The following OR6N1 variants were observed in gnomAD, a reference collection of about 807,000 sequenced individuals.
OR6N1 encodes the protein olfactory receptor family 6 subfamily N member 1.
For synonymous variants in OR6N1, 170 were observed against 150.7 expected, an observed-to-expected ratio of 1.13 and a Z score of -0.94; for missense variants, 394 against 371.7, an observed-to-expected ratio of 1.06 and a Z score of -0.49.
At chr1:158,767,829 T>C (rs1657317093) in intron 1 of OR6N1, among the ~76,000 whole-genome samples, 1 of 152,200 alleles carries the variant, frequency 6.6e-6, no homozygotes, top group African/African-American at 2.4e-5. Flanking sequence ...TTAATGCCTC[T>C]CTTTAAGTTT....
the OR6N1 span, among the ~76,000 whole-genome samples, chr1:158,835,031 T>C: frequency 6.6e-6 from 1 of 152,316 alleles, no homozygotes; most frequent in South Asian, 2.1e-4. Context: ...TTATAACAAG[T>C]TTTGAAAGCA....
At chr1:158,780,914 C>T in the OR6N1 span, among the ~76,000 whole-genome samples, 4 of 152,296 alleles carry the variant, frequency 2.6e-5, no homozygotes, top group East Asian at 5.8e-4. Context: ...CAAATGTTTG[C>T]TAATCTCTTG....
At chr1:158,814,009 G>C in the OR6N1 span, among the ~76,000 whole-genome samples, 1 of 151,982 alleles carries the variant, frequency 6.6e-6, no homozygotes, top group African/African-American at 2.4e-5. Context: ...CAGATGTACT[G>C]TCTATTGAAA....
At chr1:158,783,396 T>C in the OR6N1 span, among the ~76,000 whole-genome samples, 1 of 152,234 alleles carries the variant, frequency 6.6e-6, no homozygotes, top group Non-Finnish European at 1.5e-5. Context: ...AGATATTTCA[T>C]ATGAAAATAG....
At chr1:158,803,625 T>C in the OR6N1 span, among the ~76,000 whole-genome samples, 1 of 152,378 alleles carries the variant, frequency 6.6e-6, no homozygotes, top group Admixed American at 6.5e-5. Flanking sequence ...ACAGACTTTC[T>C]GCATCATTTG....
At chr1:158,821,871 C>A in the OR6N1 span, among the ~76,000 whole-genome samples, 2 of 152,138 alleles carry the variant, frequency 1.3e-5, no homozygotes, top group Admixed American at 1.3e-4. Flanking sequence ...TCCAAACTGG[C>A]TGTACCATTT....
the OR6N1 span, among the ~76,000 whole-genome samples, chr1:158,796,592 T>C: frequency 6.6e-6 from 1 of 152,200 alleles, no homozygotes; most frequent in African/African-American, 2.4e-5. Context: ...TTCAATTTCT[T>C]TGTTAAAATT....
the OR6N1 span, among the ~76,000 whole-genome samples, chr1:158,827,619 G>C: frequency 6.6e-6 from 1 of 152,180 alleles, no homozygotes; most frequent in African/African-American, 2.4e-5. Context: ...TGGAAGAAAG[G>C]AGGTGAGTTA....
At chr1:158,821,912 C>T in the OR6N1 span, among the ~76,000 whole-genome samples, 3 of 152,124 alleles carry the variant, frequency 2.0e-5, no homozygotes, top group East Asian at 1.9e-4. Flanking sequence ...ATAAGAGTTC[C>T]GTTACTCCAC....
chr1:158,765,709 C>T lies in OR6N1; in HGVS notation c.*35G>A, dbSNP rs12028968. 4.5e-6 allele frequency: 7 copies of T among 1,548,832 alleles called. No homozygotes were observed. Among genetic ancestry groups the T allele is most frequent in the Non-Finnish European group, 6.2e-6 (7 of 1,128,960 alleles). On this transcript the variant is annotated 3_prime_UTR_variant, in exon 2 of 2. Coordinates refer to ENST00000641846, the MANE Select transcript of OR6N1 (RefSeq NM_001005185.2). ...TGTTGATCCCTGGGGCCACCATATC[C>T]TCAGGCCCGGCCTTGGCCTACTCTC...
chr1:158,775,266 G>A (rs1019334650), upstream of OR6N1: 6 of 152,184 alleles, frequency 3.9e-5, no homozygotes, highest in African/African-American at 1.4e-4. Context: ...ACTGGAAATT[G>A]ATATTTGAAC....
chr1:158,835,298 C>T, the OR6N1 span, among the ~76,000 whole-genome samples: 4 of 152,254 alleles, frequency 2.6e-5, no homozygotes, highest in East Asian at 7.7e-4. Flanking sequence ...TTAATTCCTT[C>T]AAAGTGTTGT....
At chr1:158,777,289 G>T in the OR6N1 span, 1 of 1,614,144 alleles carries the variant, frequency 6.2e-7, no homozygotes. Context: ...GGCCATGGCT[G>T]TAAGAAGGTA....
At chr1:158,795,362 C>A in the OR6N1 span, among the ~76,000 whole-genome samples, 128 of 152,342 alleles carry the variant, frequency 8.4e-4, no homozygotes, top group Middle Eastern at 0.01. Flanking sequence ...CCACACCCCT[C>A]CTGGTTTGCT....
the OR6N1 span, chr1:158,808,567 T>C: frequency 6.5e-6 from 1 of 152,928 alleles, no homozygotes; most frequent in African/African-American, 2.4e-5. Flanking sequence ...AGCCCACATA[T>C]ACTGTGAAGG....
chr1:158,767,901 A>G (rs979196744), intron 1 of OR6N1, among the ~76,000 whole-genome samples: 2 of 152,128 alleles, frequency 1.3e-5, no homozygotes, highest in South Asian at 4.1e-4. Context: ...CTCCTTTCTC[A>G]TAGACATTAA....
chr1:158,801,154 T>C, the OR6N1 span, among the ~76,000 whole-genome samples: 1 of 143,448 alleles, frequency 7.0e-6, no homozygotes, highest in Non-Finnish European at 1.5e-5. Flanking sequence ...AGTATGTTGC[T>C]GCACATACTG....
At chr1:158,820,281 A>T in the OR6N1 span, among the ~76,000 whole-genome samples, 1 of 152,228 alleles carries the variant, frequency 6.6e-6, no homozygotes, top group Non-Finnish European at 1.5e-5. Context: ...AGCATGTCAC[A>T]GTGCTGCAGA....
the OR6N1 span, among the ~76,000 whole-genome samples, chr1:158,824,505 A>G: frequency 1.3e-5 from 2 of 152,150 alleles, no homozygotes; most frequent in African/African-American, 2.4e-5. Context: ...ATTTTAGAGT[A>G]TGTGCCATGT....
Sources: gnomAD v4.1 joint callset for allele counts (sites outside exome capture counted in the v4.1 genomes callset) on GRCh38, gnomAD v4.1.1 for gene constraint, MANE v1.5 for transcripts, NCBI Gene and HGNC (gene_info 2026-07-23, HGNC 2026-07-21) for gene names.